The following PAQR3 variants were observed in gnomAD, a reference collection of about 807,000 sequenced individuals.
PAQR3 encodes progestin and adipoQ receptor family member 3, also known as Raf kinase trapping to Golgi.
In PAQR3, 39 loss-of-function variants were observed where a neutral mutation model predicts 41.7. The observed-to-expected ratio is 0.93, with a 90% CI of 0.72 to 1.22. The LOEUF (loss-of-function observed/expected upper bound fraction) is 1.22. PAQR3 is among the 50% of genes most tolerant of loss of function. The pLI is 0.00. For synonymous variants in PAQR3, 140 were observed against 140.6 expected (o/e 1.00, Z 0.03); for missense variants, 366 against 385.6 (o/e 0.95, Z 0.42).
rs780406928 is a variant in PAQR3 at position 78,935,258 on chromosome 4, C to T, written c.211G>A (p.Val71Ile). ...CCCAGCAAATGACTCCAGATGTTTA[C>T]TGTCTCATTAGATAAAATAAACAAA... ...KSLFILSNETVNIWSHLLGFF... is the reference protein window; with the variant it reads ...KSLFILSNETINIWSHLLGFF... The change falls in exon 2 of 6, where the codon GTA (valine) becomes ATA (isoleucine). Residue 71 changes from valine (V) to isoleucine (I), a missense_variant. Val to Ile is a conservative substitution (Grantham distance 29, BLOSUM62 3). Coordinates refer to ENST00000512733, the MANE Select transcript of PAQR3 (RefSeq NM_001040202.2). The T allele has an allele frequency of 1.3e-5, 21 of 1,612,256 alleles. No homozygotes were observed. Among genetic ancestry groups the T allele is most frequent in the Middle Eastern group, 1.7e-4 (1 of 6,052 alleles).
intron 11 of PAQR3, among the ~76,000 whole-genome samples, chr4:78,904,069 A>T (rs1734160048): frequency 6.6e-6 from 1 of 152,010 alleles, no homozygotes; most frequent in South Asian, 2.1e-4. Context: ...GAATTATGAA[A>T]GAGTATTAAA....
In PAQR3 at chr4:78,930,385, G is replaced by C; in HGVS notation, c.349-60C>G. ...AAAGAAACTAAAGCAACTTATGCAT[G>C]ATATTCAGGGAAGTAGTTAAGAGGC... On this transcript the variant is annotated intron_variant, in intron 2 of 5. Coordinates refer to ENST00000512733, the MANE Select transcript of PAQR3 (RefSeq NM_001040202.2). 2.0e-6 allele frequency: 3 copies of C among 1,506,906 alleles called. No homozygotes were observed. In the South Asian group the frequency reaches 3.8e-5, roughly 19 times the overall value. The allele number at this position is 1,506,906 out of a possible 1,614,324, so 93.3% of individuals were successfully genotyped here. A position where few individuals can be genotyped will look rare whatever the true frequency, so the allele number is the denominator to read the frequency against.
downstream of PAQR3, chr4:78,910,909 C>A: frequency 6.2e-7 from 1 of 1,613,876 alleles, no homozygotes; most frequent in Non-Finnish European, 8.5e-7. Flanking sequence ...TAGGCCTCTC[C>A]TCATGGATTC....
In PAQR3 at chr4:78,913,851, G is replaced by T. The variant is rs1278022554; in HGVS notation, c.*6688C>A. On this transcript the variant is annotated 3_prime_UTR_variant, in exon 6 of 6. Transcript: ENST00000512733. ...AAGCATTACATTATTATTTAGAGCTGGACTGCACCAATTACTTGTCCTCGT... is the reference window on the plus strand; with the variant it reads ...AAGCATTACATTATTATTTAGAGCTTGACTGCACCAATTACTTGTCCTCGT... 1 of 151,512 alleles carries T rather than the reference G, an allele frequency of 6.6e-6. No individual in the cohort carries two copies. Among genetic ancestry groups the T allele is most frequent in the Admixed American group, 6.6e-5 (1 of 15,206 alleles). The allele number at this position is 151,512 out of a possible 1,614,324, so 9.4% of individuals were successfully genotyped here. A position where few individuals can be genotyped will look rare whatever the true frequency, so the allele number is the denominator to read the frequency against.
At position 78,916,635 on chromosome 4, in the gene PAQR3, C is replaced by T. The variant is rs577682452; in HGVS notation, c.*3904G>A. 41 of 151,970 alleles carry T rather than the reference C, an allele frequency of 2.7e-4. No homozygotes were observed. Among genetic ancestry groups the T allele is most frequent in the African/African-American group, 9.4e-4 (39 of 41,532 alleles). 9.4% of individuals were successfully genotyped at this position (151,970 alleles called of 1,614,324 possible). Reference sequence around the variant, plus strand: ...TCAGTGAGTCATAATTACTGATACTCGAGTGATGACAGTAAGGCAAAAACA... The same window carrying T: ...TCAGTGAGTCATAATTACTGATACTTGAGTGATGACAGTAAGGCAAAAACA... On this transcript the variant is annotated 3_prime_UTR_variant, in exon 6 of 6. Transcript: ENST00000512733.
At chr4:78,887,734 T>C (rs1314936639) in intron 12 of PAQR3, among the ~76,000 whole-genome samples, 1 of 152,190 alleles carries the variant, frequency 6.6e-6, no homozygotes, top group African/African-American at 2.4e-5. Context: ...AATTCAAATA[T>C]TGATGTTTTT....
chr4:78,887,172 A>AGATAGGCTCGAGGAGAG, exon 13 of PAQR3: 1 of 1,577,040 alleles, frequency 6.3e-7, no homozygotes, highest in Non-Finnish European at 8.6e-7. Flanking sequence ...TTATTTTTGC[A>AGATAGGCTCGAGGAGAG]GATAGGCTCG....
chr4:78,903,708 A>T (rs1469575328), intron 11 of PAQR3, among the ~76,000 whole-genome samples: 1 of 151,980 alleles, frequency 6.6e-6, no homozygotes, highest in Non-Finnish European at 1.5e-5. Flanking sequence ...AAAATTTTTA[A>T]TACAGGGTAC....
chr4:78,910,274 G>A (rs768378241), downstream of PAQR3, among the ~76,000 whole-genome samples: 1 of 152,214 alleles, frequency 6.6e-6, no homozygotes, highest in Non-Finnish European at 1.5e-5. Flanking sequence ...TTCAGAATTA[G>A]CAGAATAATG....
chr4:78,887,547 TG>T (rs1733164880), intron 12 of PAQR3, among the ~76,000 whole-genome samples: 1 of 152,198 alleles, frequency 6.6e-6, no homozygotes, highest in South Asian at 2.1e-4. Flanking sequence ...TGGATACTGT[TG>T]AAAAAAATAT....
intron 11 of PAQR3, among the ~76,000 whole-genome samples, chr4:78,904,742 GTTC>G (rs1408608000): frequency 6.6e-6 from 1 of 151,876 alleles, no homozygotes; most frequent in African/African-American, 2.4e-5. Context: ...TCTGTTCCAA[GTTC>G]TTTTGTTAAG....
At chr4:78,887,164 A>G (rs759430696) in exon 13 of PAQR3, 11 of 1,543,338 alleles carry the variant, frequency 7.1e-6, no homozygotes, top group Admixed American at 1.9e-5. Context: ...GTTTCATCTT[A>G]TTTTTGCAGA....
chr4:78,924,554 G>A (rs1169724249), intron 4 of PAQR3, among the ~76,000 whole-genome samples: 1 of 152,108 alleles, frequency 6.6e-6, no homozygotes, highest in Admixed American at 6.6e-5. Flanking sequence ...ACCACTTTGG[G>A]AGGCTTTGGC....
At chr4:78,911,613 A>G, downstream of PAQR3, 1 of 1,614,034 alleles carries the variant, frequency 6.2e-7, no homozygotes, top group Non-Finnish European at 8.5e-7. Context: ...GCAGGCACAA[A>G]AAAGTGGGCC....
chr4:78,939,038 A>C lies in PAQR3; in HGVS notation c.185+2T>G. The C allele has an allele frequency of 1.3e-6, 2 of 1,597,500 alleles. No homozygotes were observed. The highest frequency in any genetic ancestry group is 1.7e-6 in the Non-Finnish European group (2 of 1,168,280). ...CTCCAGGCGGAGGCAGCCAGACCGTACCTTTTGATACACAGCCTGGACGGC... is the reference window on the plus strand; with the variant it reads ...CTCCAGGCGGAGGCAGCCAGACCGTCCCTTTTGATACACAGCCTGGACGGC... On this transcript the variant is annotated splice_donor_variant, in intron 1 of 5. Transcript: ENST00000512733. LOFTEE classifies it high-confidence loss of function.
At chr4:78,894,491 TTTTC>T (rs537606654) in intron 11 of PAQR3, among the ~76,000 whole-genome samples, 2 of 152,236 alleles carry the variant, frequency 1.3e-5, no homozygotes, top group Non-Finnish European at 2.9e-5. Context: ...AGCTTCAGAT[TTTTC>T]TTCTGCAGGT....
rs1735463020 is a variant in PAQR3 at position 78,919,667 on chromosome 4, C to T, written c.*872G>A. 1 of 985,112 alleles carries T rather than the reference C, an allele frequency of 1.0e-6. No homozygotes were observed. The highest frequency in any genetic ancestry group is 1.2e-6 in the Non-Finnish European group (1 of 829,790). 61.0% of individuals were successfully genotyped at this position (985,112 alleles called of 1,614,324 possible). A position where few individuals can be genotyped will look rare whatever the true frequency, so the allele number is the denominator to read the frequency against. On this transcript the variant is annotated 3_prime_UTR_variant, in exon 6 of 6. Coordinates refer to ENST00000512733, the MANE Select transcript of PAQR3 (RefSeq NM_001040202.2). ...GCACCCACAATGCTGGGAACCCCCA[C>T]CACTGGGATATTCAGGACTACAAAT...
intron 1 of PAQR3, among the ~76,000 whole-genome samples, chr4:78,936,094 C>G (rs1343080881): frequency 6.6e-6 from 1 of 152,190 alleles, no homozygotes; most frequent in Non-Finnish European, 1.5e-5. Context: ...CACTTAACCT[C>G]TCCCGGCTTC....
intron 11 of PAQR3, among the ~76,000 whole-genome samples, chr4:78,899,613 G>T (rs1733891696): frequency 6.6e-6 from 1 of 151,444 alleles, no homozygotes. Flanking sequence ...AGAGAAAGAA[G>T]GACCATAGAA....
Sources: gnomAD v4.1 joint callset for allele counts (sites outside exome capture counted in the v4.1 genomes callset) on GRCh38, gnomAD v4.1.1 for gene constraint, MANE v1.5 for transcripts, NCBI Gene and HGNC (gene_info 2026-07-23, HGNC 2026-07-21) for gene names.